The following LRRC4C variants were observed in gnomAD, a reference collection of about 807,000 sequenced individuals.
LRRC4C encodes the protein leucine-rich repeat-containing protein 4C.
In LRRC4C, 5 loss-of-function variants were observed where a neutral mutation model predicts 33.6. The observed-to-expected ratio is 0.15, with a 90% CI of 0.08 to 0.31. The LOEUF (loss-of-function observed/expected upper bound fraction) is 0.31. LRRC4C is among the 10% of genes least tolerant of loss of function. The pLI, the probability that LRRC4C is intolerant of heterozygous loss-of-function variation, is 1.00. For missense variants in LRRC4C, 560 were observed against 796.7 expected, an observed-to-expected ratio of 0.70 and a Z score of 3.58; for synonymous variants, 329 against 302.0, an observed-to-expected ratio of 1.09 and a Z score of -0.93.
chr11:41,253,067 T>G (rs1390708734), intron 1 of LRRC4C, among the ~76,000 whole-genome samples: 2 of 152,152 alleles, frequency 1.3e-5, no homozygotes, highest in African/African-American at 4.8e-5. Context: ...AGACGATCAT[T>G]CACATGGCTA....
chr11:41,035,471 A>T (rs1479002845), intron 1 of LRRC4C, among the ~76,000 whole-genome samples: 9 of 152,126 alleles, frequency 5.9e-5, no homozygotes, highest in African/African-American at 2.2e-4. Context: ...AAAAGTAAGA[A>T]CATGAGATGT....
At chr11:40,154,624 G>A (rs748649432) in intron 5 of LRRC4C, among the ~76,000 whole-genome samples, 17 of 152,102 alleles carry the variant, frequency 1.1e-4, no homozygotes, top group Non-Finnish European at 2.1e-4. Context: ...ATTATGTAAT[G>A]GTAAAAGGCC....
chr11:40,226,790 T>C lies in LRRC4C; in HGVS notation c.-96+14729A>G, dbSNP rs1027586406. On this transcript the variant is annotated intron_variant, in intron 5 of 6. Coordinates refer to ENST00000528697, the MANE Select transcript of LRRC4C (RefSeq NM_001258419.2). ...CTTAAATTATCTTCTAGGATTAAAATGTAGTTTATATCGCATATATACATA... is the reference window on the plus strand; with the variant it reads ...CTTAAATTATCTTCTAGGATTAAAACGTAGTTTATATCGCATATATACATA... Among the ~76,000 whole-genome samples the C allele has an allele frequency of 2.0e-5, 3 of 152,194 alleles. No homozygotes were observed. The South Asian group carries it at 6.2e-4, about 32-fold the overall frequency.
At chr11:40,159,184 A>C (rs1858956755) in intron 5 of LRRC4C, among the ~76,000 whole-genome samples, 1 of 152,178 alleles carries the variant, frequency 6.6e-6, no homozygotes, top group South Asian at 2.1e-4. Context: ...AACTGCTTGG[A>C]GAATCCTTAT....
At chr11:40,316,195 T>C (rs11035779) in intron 4 of LRRC4C, among the ~76,000 whole-genome samples, 92,483 of 151,806 alleles carry the variant, frequency 0.61, 29,358 homozygotes, top group East Asian at 0.78. Flanking sequence ...TTGTCTCACT[T>C]GAAATTATGT....
In LRRC4C at chr11:40,545,210, ATATCTGCTCTT is replaced by A. The variant is rs1405410896; in HGVS notation, c.-270+102921_-270+102931del. ...TACCATGTTTTAATTATGTATTTGAATATCTGCTCTTCCTTCCCCCAACAAGACTACTAGTT... is the reference window on the plus strand; with the variant it reads ...TACCATGTTTTAATTATGTATTTGAACCTTCCCCCAACAAGACTACTAGTT... On this transcript the variant is annotated intron_variant, in intron 3 of 6. Coordinates refer to ENST00000528697, the MANE Select transcript of LRRC4C (RefSeq NM_001258419.2). 3.9e-5 allele frequency among the ~76,000 whole-genome samples: 6 copies of A among 152,076 alleles called. No homozygotes were observed. The East Asian group carries it at 1.2e-3, about 29-fold the overall frequency.
intron 2 of LRRC4C, among the ~76,000 whole-genome samples, chr11:40,869,256 A>G (rs990505608): frequency 6.6e-6 from 1 of 152,130 alleles, no homozygotes; most frequent in African/African-American, 2.4e-5. Flanking sequence ...TGAAATCTCA[A>G]TCAGCTTTCA....
chr11:40,888,528 G>A (rs1168788372), intron 2 of LRRC4C, among the ~76,000 whole-genome samples: 1 of 151,850 alleles, frequency 6.6e-6, no homozygotes, highest in African/African-American at 2.4e-5. Context: ...GTTGTTCTTT[G>A]CTGAAAAATG....
intron 2 of LRRC4C, among the ~76,000 whole-genome samples, chr11:40,688,656 G>T (rs1274751574): frequency 6.6e-6 from 1 of 152,078 alleles, no homozygotes; most frequent in African/African-American, 2.4e-5. Context: ...TACGTCAGTG[G>T]AAAGGTCAGA....
intron 2 of LRRC4C, among the ~76,000 whole-genome samples, chr11:40,854,497 G>A (rs1953672901): frequency 6.6e-6 from 1 of 152,068 alleles, no homozygotes; most frequent in Non-Finnish European, 1.5e-5. Flanking sequence ...CAATATGTGA[G>A]GATTTTGTAT....
At chr11:40,166,183 T>C (rs917707192) in intron 5 of LRRC4C, among the ~76,000 whole-genome samples, 2 of 152,150 alleles carry the variant, frequency 1.3e-5, no homozygotes, top group Non-Finnish European at 2.9e-5. Context: ...CAGACTAAAC[T>C]GAAATGAGAA....
intron 2 of LRRC4C, among the ~76,000 whole-genome samples, chr11:40,918,583 A>G (rs190192203): frequency 1.1e-4 from 17 of 152,108 alleles, no homozygotes; most frequent in Admixed American, 9.8e-4. Flanking sequence ...TCTATTTCAC[A>G]TGAATCTTGA....
At chr11:40,290,177 C>T (rs954028879) in intron 4 of LRRC4C, among the ~76,000 whole-genome samples, 1 of 152,182 alleles carries the variant, frequency 6.6e-6, no homozygotes, top group Non-Finnish European at 1.5e-5. Flanking sequence ...TTTCCTCTTA[C>T]TTTCTTTGTC....
intron 1 of LRRC4C, among the ~76,000 whole-genome samples, chr11:41,122,581 A>G (rs947174571): frequency 6.6e-6 from 1 of 152,012 alleles, no homozygotes; most frequent in Non-Finnish European, 1.5e-5. Flanking sequence ...TGTGCCAATC[A>G]TCATACAGGT....
intron 3 of LRRC4C, among the ~76,000 whole-genome samples, chr11:40,488,076 T>C (rs1237506490): frequency 6.6e-6 from 1 of 152,042 alleles, no homozygotes. Flanking sequence ...CTGAGATCTT[T>C]CAGATTTCAA....
chr11:40,552,421 G>A (rs1438838988), intron 3 of LRRC4C, among the ~76,000 whole-genome samples: 1 of 152,188 alleles, frequency 6.6e-6, no homozygotes, highest in Non-Finnish European at 1.5e-5. Context: ...AAGCCCAATG[G>A]AAGCAGAGCC....
intron 1 of LRRC4C, among the ~76,000 whole-genome samples, chr11:40,999,823 T>C (rs1565287098): frequency 1.3e-5 from 2 of 152,080 alleles, no homozygotes; most frequent in Non-Finnish European, 2.9e-5. Flanking sequence ...CGAGTTTCCC[T>C]AGCAGAGCGT....
chr11:40,817,391 C>G (rs1055517679), intron 2 of LRRC4C, among the ~76,000 whole-genome samples: 8 of 152,060 alleles, frequency 5.3e-5, no homozygotes, highest in Admixed American at 5.2e-4. Context: ...TTTTTCAGAT[C>G]CTTTTAACTC....
At chr11:41,147,413 A>G (rs908885332) in intron 1 of LRRC4C, among the ~76,000 whole-genome samples, 6 of 152,212 alleles carry the variant, frequency 3.9e-5, no homozygotes, top group African/African-American at 4.8e-5. Context: ...AAACCTGCAC[A>G]TGTACTCCCC....
Sources: gnomAD v4.1 joint callset for allele counts (sites outside exome capture counted in the v4.1 genomes callset) on GRCh38, gnomAD v4.1.1 for gene constraint, MANE v1.5 for transcripts, NCBI Gene and HGNC (gene_info 2026-07-23, HGNC 2026-07-21) for gene names.